The following SCML1 variants were observed in gnomAD, a reference collection of about 807,000 sequenced individuals.
SCML1 encodes Scm polycomb group protein like 1.
For missense variants in SCML1, 137 were observed against 258.1 expected (o/e 0.53, Z 3.22); for synonymous variants, 104 against 103.6 (o/e 1.00, Z -0.02).
chrX:17,750,663 C>T, intron 6 of SCML1, among the ~76,000 whole-genome samples: 1 of 112,448 alleles, frequency 8.9e-6, no homozygotes, highest in Non-Finnish European at 1.9e-5. Flanking sequence ...CCCACGATCA[C>T]AGAGCTGGTG....
chrX:17,742,882 C>T (rs961485633), intron 1 of SCML1, among the ~76,000 whole-genome samples: 1 of 111,891 alleles, frequency 8.9e-6, no homozygotes, highest in Admixed American at 9.4e-5. Flanking sequence ...GTTAGTTTTG[C>T]CTGTTTTTGA....
At chrX:17,742,972 G>A (rs986082086) in intron 1 of SCML1, among the ~76,000 whole-genome samples, 1 of 111,705 alleles carries the variant, frequency 9.0e-6, no homozygotes, top group African/African-American at 3.3e-5. Flanking sequence ...TGTGAGATTC[G>A]GCCTTGCTGT....
intron 1 of SCML1, among the ~76,000 whole-genome samples, chrX:17,742,424 G>GT (rs1208002678): frequency 1.8e-5 from 2 of 112,121 alleles, no homozygotes; most frequent in East Asian, 5.6e-4. Context: ...ATTAAGAAAT[G>GT]TATTAATATG....
At chrX:17,748,838 C>T (rs747693038) in intron 4 of SCML1, among the ~76,000 whole-genome samples, 88 of 111,969 alleles carry the variant, frequency 7.9e-4, no homozygotes, top group Middle Eastern at 4.6e-3. Flanking sequence ...TCGATTGGCG[C>T]GTAAGAGATG....
At chrX:17,752,336 G>C (rs990371579) in intron 7 of SCML1, among the ~76,000 whole-genome samples, 1 of 111,948 alleles carries the variant, frequency 8.9e-6, no homozygotes, top group Admixed American at 9.4e-5. Context: ...GGTGGCCTTC[G>C]TTTTATATAA....
rs2066691241 is a variant in SCML1, at chrX:17,749,958, A to G, written c.368A>G (p.Lys123Arg). The G allele has an allele frequency of 8.3e-7, 1 of 1,208,963 alleles. No individual in the cohort carries two copies. Residue 123 changes from lysine (K) to arginine (R), a missense_variant, in exon 6 of 8, where the codon AAG (lysine) becomes AGG (arginine). Coordinates refer to ENST00000380041, the MANE Select transcript of SCML1 (RefSeq NM_001037540.3). The part of the protein sequence containing the change: ...LVKKLKLQKM[K>R]KNEVYETFSY... ...AAAAAGCTTAAACTCCAGAAAATGA[A>G]GAAAAATGAGGTTTACGAGACATTC... is the stretch of plus-strand genomic sequence containing the variant.
intron 4 of SCML1, among the ~76,000 whole-genome samples, chrX:17,746,638 T>C (rs902393636): frequency 8.9e-6 from 1 of 112,386 alleles, no homozygotes; most frequent in African/African-American, 3.2e-5. Flanking sequence ...ATAAGGTTTC[T>C]TGAATGGAAT....
At chrX:17,737,418 TCCC>T (rs2066545009), upstream of SCML1, 1 of 2,809 alleles carries the variant, frequency 3.6e-4, no homozygotes, top group African/African-American at 1.1e-3. Context: ...CAGCGGGTAG[TCCC>T]GCCCCCCCCC....
intron 5 of SCML1, 108 bp downstream of exon 5, chrX:17,749,612 G>C (rs993331695): frequency 5.7e-6 from 3 of 529,824 alleles, no homozygotes; most frequent in African/African-American, 4.7e-5. Flanking sequence ...GATTAGCAAG[G>C]CATGTCTATA....
At chrX:17,749,599 T>G in intron 5 of SCML1, 95 bp downstream of exon 5, 1 of 563,381 alleles carries the variant, frequency 1.8e-6, no homozygotes, top group Non-Finnish European at 2.9e-6. Flanking sequence ...AGTATCTGTG[T>G]GAGATTAGCA....
chrX:17,745,236 C>A, intron 2 of SCML1: 1 of 326,447 alleles, frequency 3.1e-6, no homozygotes, highest in Non-Finnish European at 5.3e-6. Context: ...AAGGGTTAAG[C>A]TCAGTGAAAA....
At chrX:17,741,655 T>C (rs1481596337) in intron 1 of SCML1, among the ~76,000 whole-genome samples, 1 of 111,995 alleles carries the variant, frequency 8.9e-6, no homozygotes, top group East Asian at 2.8e-4. Flanking sequence ...GTTGTCGTCA[T>C]TGTTGTTGTT....
chrX:17,740,261 C>T (rs2066581977), intron 1 of SCML1, among the ~76,000 whole-genome samples: 1 of 111,718 alleles, frequency 9.0e-6, no homozygotes, highest in South Asian at 3.7e-4. Flanking sequence ...CAGCTCCTTG[C>T]ATCATACCCT....
intron 1 of SCML1, among the ~76,000 whole-genome samples, chrX:17,739,741 C>G (rs1474064781): frequency 9.6e-6 from 1 of 103,644 alleles, no homozygotes; most frequent in Non-Finnish European, 1.9e-5. Flanking sequence ...GCTAACTACT[C>G]GGGAGGCTGA....
rs2066734743 is a variant in SCML1, at chrX:17,753,510, ATATAT to A, written c.*123_*127del. 1.2e-5 allele frequency: 6 copies of A among 497,762 alleles called. 1 individual carries two copies. In the South Asian group the frequency reaches 2.3e-4, roughly 19 times the overall value. The allele number at this position is 497,762 out of a possible 1,213,427, so 41.0% of individuals were successfully genotyped here. On this transcript the variant is annotated 3_prime_UTR_variant, in exon 8 of 8. Coordinates refer to ENST00000380041, the MANE Select transcript of SCML1 (RefSeq NM_001037540.3). Reference sequence around the variant, plus strand: ...TGTTTTGTAGAAAGTATCTCTCAAAATATATTATAGCTAGAATTGTAGAACTATGT... The same window carrying A: ...TGTTTTGTAGAAAGTATCTCTCAAAATATAGCTAGAATTGTAGAACTATGT...
chrX:17,742,762 G>A (rs1001895109), intron 1 of SCML1, among the ~76,000 whole-genome samples: 2 of 112,268 alleles, frequency 1.8e-5, no homozygotes, highest in African/African-American at 6.5e-5. Flanking sequence ...TGAATTGGGG[G>A]CTGTGTTTAA....
At chrX:17,751,789 T>C in intron 6 of SCML1, 26 bp from the exon 7 acceptor site, 1 of 1,201,224 alleles carries the variant, frequency 8.3e-7, no homozygotes, top group Non-Finnish European at 1.1e-6. Context: ...TTTGTCTTTT[T>C]TTTCTTTTCC....
At position 17,750,040 on chromosome X, in the gene SCML1, C is replaced by T; in HGVS notation, c.450C>T (p.Ser150=). The T allele has an allele frequency of 8.3e-7, 1 of 1,211,810 alleles. No homozygotes were observed. The highest frequency in any genetic ancestry group is 1.1e-6 in the Non-Finnish European group (1 of 895,504). ...TLPVSRRENN[S]PSNLPRPSFC... is the part of the protein sequence containing the mutation. ...CAGTGTCAAGGCGTGAGAATAATTC[C>T]CCGAGCAACCTTCCAAGGCCATCCT... is the stretch of plus-strand genomic sequence containing the variant. The change falls in exon 6 of 8, where the codon TCC becomes TCT. Residue 150 remains serine (S), a synonymous_variant. Transcript: ENST00000380041.
chrX:17,746,513 G>C (rs1161729594), intron 4 of SCML1, among the ~76,000 whole-genome samples: 2 of 112,135 alleles, frequency 1.8e-5, no homozygotes, highest in African/African-American at 6.5e-5. Context: ...AGGTAGTTTT[G>C]AGGAGTTGTT....
Sources: allele counts gnomAD v4.1 joint callset (sites outside exome capture counted in the v4.1 genomes callset), GRCh38; gene constraint gnomAD v4.1.1; transcripts MANE v1.5; gene names NCBI Gene and HGNC (gene_info 2026-07-23, HGNC 2026-07-21).